ZC3H12C: variants seen among roughly 807,000 people sequenced by gnomAD.
The protein encoded by ZC3H12C is probable ribonuclease ZC3H12C.
A neutral mutation model predicts 76.3 loss-of-function variants in ZC3H12C; 20 were observed. The observed-to-expected ratio is 0.26, with a 90% CI of 0.18 to 0.38. The LOEUF is 0.38. ZC3H12C is among the 10% of genes least tolerant of loss of function. The probability of loss-of-function intolerance (pLI) is 1.00; values close to 1 mark genes in which losing one functional copy is unlikely to be tolerated. For synonymous variants in ZC3H12C, 352 were observed against 399.6 expected, an observed-to-expected ratio of 0.88 and a Z score of 1.42; for missense variants, 874 against 1,086.5, an observed-to-expected ratio of 0.80 and a Z score of 2.75.
Position 110,163,395 on chromosome 11 carries a change from A to T in ZC3H12C, c.1255+16A>T, listed in dbSNP as rs756614620. ...TGTCCATATGGTAACTTGCTTTGTGAATATTGGGTATATGCCTTTAGAACA... is the reference window on the plus strand; with the variant it reads ...TGTCCATATGGTAACTTGCTTTGTGTATATTGGGTATATGCCTTTAGAACA... On this transcript the variant is annotated intron_variant, in intron 5 of 5. Transcript: ENST00000278590. 1.3e-6 allele frequency: 2 copies of T among 1,594,700 alleles called. No homozygotes were observed. The highest frequency in any genetic ancestry group is 2.2e-5 in the East Asian group (1 of 44,626).
At chr11:110,114,087 C>T (rs1249394327) in intron 1 of ZC3H12C, among the ~76,000 whole-genome samples, 2 of 152,142 alleles carry the variant, frequency 1.3e-5, no homozygotes, top group Non-Finnish European at 2.9e-5. Context: ...TTCCATGAAC[C>T]AGCCACATCC....
rs1565273708 is a variant in ZC3H12C, at chr11:110,170,000, T to C, written c.*4263T>C. ...GGGCCTGTGGGCCATAATTTGCTGATCTCAAGCAGTAAATCCTGGTATATG... is the reference window on the plus strand; with the variant it reads ...GGGCCTGTGGGCCATAATTTGCTGACCTCAAGCAGTAAATCCTGGTATATG... On this transcript the variant is annotated 3_prime_UTR_variant, in exon 6 of 6. Transcript: ENST00000278590. The C allele has an allele frequency of 1.3e-5, 2 of 152,212 alleles. No homozygotes were observed. The highest frequency in any genetic ancestry group is 2.1e-4 in the South Asian group (1 of 4,834). The allele number at this position is 152,212 out of a possible 1,614,324, so 9.4% of individuals were successfully genotyped here. A position where few individuals can be genotyped will look rare whatever the true frequency, so the allele number is the denominator to read the frequency against.
chr11:110,111,209 A>G (rs889247802), intron 1 of ZC3H12C, among the ~76,000 whole-genome samples: 1 of 152,332 alleles, frequency 6.6e-6, no homozygotes, highest in African/African-American at 2.4e-5. Flanking sequence ...CAGGTAGATC[A>G]TAACTGTTTA....
At chr11:110,100,823 G>A (rs1430036850) in intron 1 of ZC3H12C, among the ~76,000 whole-genome samples, 1 of 152,144 alleles carries the variant, frequency 6.6e-6, no homozygotes, top group African/African-American at 2.4e-5. Context: ...GAATAACTCT[G>A]TAATGGCCTT....
chr11:110,099,418 G>A (rs1861172581), intron 1 of ZC3H12C, among the ~76,000 whole-genome samples: 1 of 151,970 alleles, frequency 6.6e-6, no homozygotes, highest in South Asian at 2.1e-4. Context: ...TTGATGATGA[G>A]CATTAATATC....
At chr11:110,117,268 T>C (rs1361622403) in intron 1 of ZC3H12C, among the ~76,000 whole-genome samples, 2 of 152,212 alleles carry the variant, frequency 1.3e-5, no homozygotes, top group African/African-American at 4.8e-5. Flanking sequence ...CTCCTCAAAG[T>C]AATCATATTT....
Position 110,137,124 on chromosome 11 carries a change from A to C in ZC3H12C, c.483A>C (p.Glu161Asp), listed in dbSNP as rs141278977. The C allele has an allele frequency of 7.0e-5, 113 of 1,613,906 alleles. No individual in the cohort carries two copies. The East Asian group carries it at 2.3e-3, about 33-fold the overall frequency. Residue 161 changes from glutamate (E) to aspartate (D), a missense_variant, in exon 2 of 6, where the codon GAA becomes GAC. By Grantham distance (45) the Glu-to-Asp change is conservative. Transcript: ENST00000278590. ...EAKKPPDVVR[E>D]YQTKLEFALK... Reference sequence around the variant, plus strand: ...AGAAACCACCTGATGTGGTGCGAGAATACCAAACAAAACTGGAGTTTGCAC... The same window carrying C: ...AGAAACCACCTGATGTGGTGCGAGACTACCAAACAAAACTGGAGTTTGCAC...
rs1861048331 is a variant in ZC3H12C at position 110,093,510 on chromosome 11, G to A, written c.21+78G>A. On this transcript the variant is annotated intron_variant, in intron 1 of 5. Coordinates refer to ENST00000278590, the MANE Select transcript of ZC3H12C (RefSeq NM_033390.2). Reference sequence around the variant, plus strand: ...GGGGTAGCCGGTCGTGGGGAGGGCCGCGGGGCCGCGCCCGGGCGCCAGGCG... The same window carrying A: ...GGGGTAGCCGGTCGTGGGGAGGGCCACGGGGCCGCGCCCGGGCGCCAGGCG... 5 of 1,086,796 alleles carry A rather than the reference G, an allele frequency of 4.6e-6. 1 individual carries two copies. The highest frequency in any genetic ancestry group is 5.7e-6 in the Non-Finnish European group (5 of 870,240). 67.3% of individuals were successfully genotyped at this position (1,086,796 alleles called of 1,614,324 possible).
At chr11:110,163,180 T>A (rs1474263280) in intron 4 of ZC3H12C, 93 bp from the exon 5 acceptor site, 8 of 1,098,124 alleles carry the variant, frequency 7.3e-6, no homozygotes, top group East Asian at 2.7e-5. Flanking sequence ...GCAAAAAAAA[T>A]TCCTTATAGA....
chr11:110,148,815 A>C (rs1478322436), intron 2 of ZC3H12C, among the ~76,000 whole-genome samples: 5 of 152,238 alleles, frequency 3.3e-5, no homozygotes, highest in Non-Finnish European at 7.3e-5. Context: ...AATTAAAGCT[A>C]TGGTCCTTTT....
intron 3 of ZC3H12C, among the ~76,000 whole-genome samples, chr11:110,155,177 T>C (rs1426167892): frequency 2.6e-5 from 4 of 151,836 alleles, no homozygotes; most frequent in Non-Finnish European, 5.9e-5. Context: ...TAATCCCAGC[T>C]ATTAGGGAGG....
rs1414270965 is a variant in ZC3H12C, at chr11:110,166,197, T to A, written c.*460T>A. On this transcript the variant is annotated 3_prime_UTR_variant, in exon 6 of 6. Transcript: ENST00000278590. ...TTCGAGCCAAGCTTAGTTAGACTCT[T>A]TTACAGCTTTTTAAGTTATTTTTAT... The A allele has an allele frequency of 6.5e-6, 1 of 155,036 alleles. No individual in the cohort carries two copies. The highest frequency in any genetic ancestry group is 1.4e-5 in the Non-Finnish European group (1 of 70,038). 9.6% of individuals were successfully genotyped at this position (155,036 alleles called of 1,614,324 possible). A position where few individuals can be genotyped will look rare whatever the true frequency, so the allele number is the denominator to read the frequency against.
intron 2 of ZC3H12C, among the ~76,000 whole-genome samples, chr11:110,150,741 T>A (rs1293538787): frequency 1.3e-5 from 2 of 152,194 alleles, no homozygotes; most frequent in Non-Finnish European, 2.9e-5. Flanking sequence ...TCTTCTTCTG[T>A]CAATTAGTAT....
chr11:110,118,667 C>T (rs997736307), intron 1 of ZC3H12C, among the ~76,000 whole-genome samples: 3 of 151,992 alleles, frequency 2.0e-5, no homozygotes, highest in Non-Finnish European at 2.9e-5. Flanking sequence ...CATGGTAGCA[C>T]ATACCTGTAA....
intron 3 of ZC3H12C, 118 bp from the exon 4 acceptor site, chr11:110,159,138 C>A: frequency 1.4e-6 from 1 of 713,918 alleles, no homozygotes; most frequent in Non-Finnish European, 2.3e-6. Flanking sequence ...ATCATAATCC[C>A]TAATTAAAGG....
In ZC3H12C at chr11:110,163,314, G is replaced by T. The variant is rs1265708808; in HGVS notation, c.1190G>T (p.Ser397Ile). 6 of 1,613,078 alleles carry T rather than the reference G, an allele frequency of 3.7e-6. No homozygotes were observed. Among genetic ancestry groups the T allele is most frequent in the Non-Finnish European group, 5.1e-6 (6 of 1,179,650 alleles). ...PDDPLGRHGP[S>I]LDNFLRKKPI... Reference sequence around the variant, plus strand: ...GACCCTCTTGGCAGACATGGCCCCAGTCTGGATAATTTTCTGAGGAAGAAA... The same window carrying T: ...GACCCTCTTGGCAGACATGGCCCCATTCTGGATAATTTTCTGAGGAAGAAA... Residue 397 changes from serine to isoleucine, a missense_variant, in exon 5 of 6, where the codon AGT (serine) becomes ATT (isoleucine). Physicochemically the swap from Ser to Ile is moderately radical, Grantham distance 142 (BLOSUM62 -2). Around this residue, in one of 3 missense-constraint regions of ZC3H12C, gnomAD observed 269 missense variants for 424.9 expected, o/e 0.63. Coordinates refer to ENST00000278590, the MANE Select transcript of ZC3H12C (RefSeq NM_033390.2).
chr11:110,102,458 G>C (rs1190411045), intron 1 of ZC3H12C, among the ~76,000 whole-genome samples: 1 of 152,038 alleles, frequency 6.6e-6, no homozygotes, highest in African/African-American at 2.4e-5. Flanking sequence ...TGACTGAACT[G>C]CTGCAATCTC....
intron 1 of ZC3H12C, among the ~76,000 whole-genome samples, chr11:110,129,792 A>G (rs932859914): frequency 2.7e-5 from 4 of 148,044 alleles, no homozygotes; most frequent in Non-Finnish European, 6.0e-5. Context: ...TATCCTTACA[A>G]TGCCTTATAG....
chr11:110,155,269 A>C (rs904668088), intron 3 of ZC3H12C, among the ~76,000 whole-genome samples: 6 of 150,482 alleles, frequency 4.0e-5, no homozygotes, highest in African/African-American at 1.5e-4. Flanking sequence ...ACTGCACTCC[A>C]GCCTGGGCAA....
Sources: gnomAD v4.1 joint callset for allele counts (sites outside exome capture counted in the v4.1 genomes callset) on GRCh38, gnomAD v4.1.1 for gene constraint, gnomAD v4.1.1 regional missense constraint, MANE v1.5 for transcripts, NCBI Gene and HGNC (gene_info 2026-07-23, HGNC 2026-07-21) for gene names.